The following RNASEL variants were observed in gnomAD, a reference collection of about 807,000 sequenced individuals.
RNASEL encodes the protein ribonuclease L.
In RNASEL, 36 loss-of-function variants were observed where a neutral mutation model predicts 50.9. The ratio of observed to expected loss-of-function variants is 0.71; its 90% CI spans 0.54 to 0.93. RNASEL has a LOEUF of 0.93. Among genes scored for constraint, RNASEL ranks in the 40% least tolerant of loss-of-function variants. The pLI, the probability that RNASEL is intolerant of heterozygous loss-of-function variation, is 0.00. For missense variants in RNASEL, 860 were observed against 894.5 expected (o/e 0.96, Z 0.49); for synonymous variants, 335 against 335.6 (o/e 1.00, Z 0.02).
intron 5 of RNASEL, chr1:182,579,554 G>A (rs766957790): frequency 2.6e-6 from 3 of 1,143,606 alleles, no homozygotes; most frequent in Non-Finnish European, 3.3e-6. Context: ...AACCAATACA[G>A]TCATACAAGC....
At chr1:182,579,580 C>T in intron 5 of RNASEL, 1 of 1,149,882 alleles carries the variant, frequency 8.7e-7, no homozygotes, top group Non-Finnish European at 1.1e-6. Flanking sequence ...AACTTGGGCT[C>T]CAGACCTATG....
rs375872977 is a variant in RNASEL at position 182,581,340 on chromosome 1, C to T, written c.1790G>A (p.Arg597Gln). Residue 597 changes from arginine (R) to glutamine (Q), a missense_variant, in exon 5 of 7, where the codon CGG becomes CAG. Transcript: ENST00000367559. Reference protein sequence around the residue: ...WTWESRYRTLRNVGNESDIKT... With the variant: ...WTWESRYRTLQNVGNESDIKT... Reference sequence around the variant, plus strand: ...GATGTCGGATTCATTTCCCACATTCCGAAGCGTCCTATAGCGGCTGAAGAT... The same window carrying T: ...GATGTCGGATTCATTTCCCACATTCTGAAGCGTCCTATAGCGGCTGAAGAT... 1.4e-4 allele frequency: 231 copies of T among 1,613,824 alleles called. No homozygotes were observed. The highest frequency in any genetic ancestry group is 1.9e-4 in the Non-Finnish European group (219 of 1,180,006).
rs1661613381 is a variant in RNASEL at position 182,586,960 on chromosome 1, T to C, written c.-154A>G. 1 of 969,752 alleles carries C rather than the reference T, an allele frequency of 1.0e-6. No homozygotes were observed. Among genetic ancestry groups the C allele is most frequent in the African/African-American group, 1.6e-5 (1 of 62,122 alleles). The allele number at this position is 969,752 out of a possible 1,614,324, so 60.1% of individuals were successfully genotyped here. On this transcript the variant is annotated 5_prime_UTR_variant, in exon 2 of 7. Transcript: ENST00000367559. ...AGAAGGAACAATGTTCTCAGTCTTC[T>C]GACATTCCACCTGGCAACGAAGAGA...
intron 2 of RNASEL, among the ~76,000 whole-genome samples, chr1:182,584,461 G>A (rs923359046): frequency 5.3e-5 from 8 of 152,090 alleles, no homozygotes; most frequent in African/African-American, 1.9e-4. Context: ...AATTCCAGGG[G>A]CCGAAAGCAC....
rs1425060505 is a variant in RNASEL at position 182,586,705 on chromosome 1, T to C, written c.102A>G (p.Gln34=). 6.2e-7 allele frequency: 1 copy of C among 1,614,158 alleles called. No homozygotes were observed. Among genetic ancestry groups the C allele is most frequent in the Non-Finnish European group, 8.5e-7 (1 of 1,180,056 alleles). Residue 34 remains glutamine, a synonymous_variant, in exon 2 of 7, where the codon CAA becomes CAG. Transcript: ENST00000367559. ...EDNHLLIKAV[Q]NEDVDLVQQL... Reference sequence around the variant, plus strand: ...GCTGGACCAGGTCAACATCTTCGTTTTGAACAGCTTTAATCAGCAAGTGAT... The same window carrying C: ...GCTGGACCAGGTCAACATCTTCGTTCTGAACAGCTTTAATCAGCAAGTGAT...
rs370214447 is a variant in RNASEL, at chr1:182,582,248, C to T, written c.1577G>A (p.Arg526Gln). ...CTTCTTTACCACATAGAGGACCAGC[C>T]GTCCAAGGTCCTGCACAAAAGCCAT... ...EVKRDLEDLG[R>Q]LVLYVVKKGS... is the part of the protein sequence containing the mutation. Residue 526 changes from arginine (R) to glutamine (Q), a missense_variant, in exon 4 of 7, where the codon CGG (arginine) becomes CAG (glutamine). Transcript: ENST00000367559. The T allele has an allele frequency of 6.2e-6, 10 of 1,614,148 alleles. No homozygotes were observed. The highest frequency in any genetic ancestry group is 2.7e-5 in the African/African-American group (2 of 75,056).
intron 6 of RNASEL, 83 bp downstream of exon 6, chr1:182,576,173 C>A: frequency 7.0e-7 from 1 of 1,434,356 alleles, no homozygotes; most frequent in Non-Finnish European, 9.6e-7. Context: ...TTCTTTTTTC[C>A]ATCGTAGATA....
chr1:182,575,017 TGA>T lies in RNASEL; in HGVS notation c.*373_*374del, dbSNP rs1247962753. 1.7e-5 allele frequency: 6 copies of T among 352,928 alleles called. No homozygotes were observed. The highest frequency in any genetic ancestry group is 3.2e-5 in the Non-Finnish European group (6 of 190,434). The allele number at this position is 352,928 out of a possible 1,614,324, so 21.9% of individuals were successfully genotyped here. ...TCTTGGGCCAGTAGCTCACACTCTC[TGA>T]GTCTCAGGTTCCTCAGTTCTTAAAT... On this transcript the variant is annotated 3_prime_UTR_variant, in exon 7 of 7. Coordinates refer to ENST00000367559, the MANE Select transcript of RNASEL (RefSeq NM_021133.4).
intron 5 of RNASEL, chr1:182,578,140 A>G (rs1251714214): frequency 6.6e-6 from 1 of 152,216 alleles, no homozygotes; most frequent in East Asian, 1.9e-4. Flanking sequence ...GATGGGGTTT[A>G]ATTAAACTAA....
chr1:182,586,711 A>G lies in RNASEL; in HGVS notation c.96T>C (p.Ala32=), dbSNP rs2102372659. 6 of 1,614,246 alleles carry G rather than the reference A, an allele frequency of 3.7e-6. No individual in the cohort carries two copies. The highest frequency in any genetic ancestry group is 3.3e-4 in the Middle Eastern group (2 of 6,062). ...CCAGGTCAACATCTTCGTTTTGAAC[A>G]GCTTTAATCAGCAAGTGATTGTCTT... ...AVEDNHLLIK[A]VQNEDVDLVQ... The change falls in exon 2 of 7, where the codon GCT becomes GCC. Residue 32 remains alanine (A), a synonymous_variant. Transcript: ENST00000367559.
chr1:182,575,508 A>G lies in RNASEL; in HGVS notation c.2110T>C (p.Tyr704His). Reference sequence around the variant, plus strand: ...TATTCTGTGTTCTGTAGTTTTGTGTAGACATAGATCACCAGATCTGGAAAT... The same window carrying G: ...TATTCTGTGTTCTGTAGTTTTGTGTGGACATAGATCACCAGATCTGGAAAT... ...KTFPDLVIYV[Y>H]TKLQNTEYRK... Residue 704 changes from tyrosine (Y) to histidine (H), a missense_variant, in exon 7 of 7, where the codon TAC becomes CAC. Transcript: ENST00000367559. The G allele has an allele frequency of 6.2e-6, 10 of 1,614,188 alleles. No homozygotes were observed. Among genetic ancestry groups the G allele is most frequent in the Non-Finnish European group, 7.6e-6 (9 of 1,180,022 alleles).
rs1453189447 is a variant in RNASEL, at chr1:182,574,361, T to C, written c.*1031A>G. 4.4e-6 allele frequency: 1 copy of C among 226,856 alleles called. No homozygotes were observed. The highest frequency in any genetic ancestry group is 2.2e-5 in the African/African-American group (1 of 44,904). 14.1% of individuals were successfully genotyped at this position (226,856 alleles called of 1,614,324 possible). On this transcript the variant is annotated 3_prime_UTR_variant, in exon 7 of 7. Transcript: ENST00000367559. ...CCAGAAGGAGCTCCTAGACTGGGTA[T>C]GGGAAGTGAGGGAGGCCTGGGAGCC...
chr1:182,581,452 G>C, intron 4 of RNASEL, 95 bp from the exon 5 acceptor site: 1 of 881,958 alleles, frequency 1.1e-6, no homozygotes, highest in South Asian at 1.7e-5. Context: ...GGTGTTTTTT[G>C]TGCTTTCTTG....
Position 182,579,874 on chromosome 1 carries a change from T to C in RNASEL, c.1905+1351A>G, listed in dbSNP as rs534270071. 17 of 530,478 alleles carry C rather than the reference T, an allele frequency of 3.2e-5. 1 individual carries two copies. The highest frequency in any genetic ancestry group is 2.6e-4 in the South Asian group (17 of 65,862). 32.9% of individuals were successfully genotyped at this position (530,478 alleles called of 1,614,324 possible). A position where few individuals can be genotyped will look rare whatever the true frequency, so the allele number is the denominator to read the frequency against. On this transcript the variant is annotated intron_variant, in intron 5 of 6. Coordinates refer to ENST00000367559, the MANE Select transcript of RNASEL (RefSeq NM_021133.4). The stretch of plus-strand genomic sequence containing the variant: ...AAATGAGTTGGTAGACTTGATGCCA[T>C]CACAGCTTCATGTAGTGGTGTGGCT...
chr1:182,579,587 T>TA, intron 5 of RNASEL: 1 of 1,158,050 alleles, frequency 8.6e-7, no homozygotes, highest in Non-Finnish European at 1.1e-6. Context: ...GCTCCAGACC[T>TA]ATGCTGACAA....
rs1175445802 is a variant in RNASEL at position 182,586,487 on chromosome 1, A to G, written c.320T>C (p.Leu107Pro). The change falls in exon 2 of 7, where the codon CTG becomes CCG. Residue 107 changes from leucine to proline, a missense_variant. Physicochemically the swap from Leu to Pro is moderately conservative, Grantham distance 98 (BLOSUM62 -3). Transcript: ENST00000367559. ...ILAAIAGSVK[L>P]LKLFLSKGAD... ...TCCTTTAGAAAGGAAAAGTTTCAGC[A>G]GCTTCACGCTCCCCGCAATCGCTGC... is the stretch of plus-strand genomic sequence containing the variant. The G allele has an allele frequency of 3.1e-6, 5 of 1,612,690 alleles. No individual in the cohort carries two copies. Among genetic ancestry groups the G allele is most frequent in the East Asian group, 4.5e-5 (2 of 44,874 alleles).
Position 182,586,034 on chromosome 1 carries a change from A to T in RNASEL, c.773T>A (p.Leu258His), listed in dbSNP as rs143565946. Residue 258 changes from leucine (L) to histidine (H), a missense_variant, in exon 2 of 7, where the codon CTT (leucine) becomes CAT (histidine). Coordinates refer to ENST00000367559, the MANE Select transcript of RNASEL (RefSeq NM_021133.4). ...AATCTCTATGTGCTCTTGCTCCAGA[A>T]GCCTCTGCACCAAACCCAAGTGCTT... Reference protein sequence around the residue: ...EKKHLGLVQRLLEQEHIEIND... With the variant: ...EKKHLGLVQRHLEQEHIEIND... 125 of 1,614,060 alleles carry T rather than the reference A, an allele frequency of 7.7e-5. No individual in the cohort carries two copies. In the African/African-American group the frequency reaches 1.1e-3, roughly 15 times the overall value.
At position 182,577,479 on chromosome 1, in the gene RNASEL, G is replaced by A. The variant is rs151067267; in HGVS notation, c.1906-1090C>T. Among the ~76,000 whole-genome samples the A allele has an allele frequency of 2.6e-3, 388 of 152,114 alleles. 1 individual carries two copies. The highest frequency in any genetic ancestry group is 8.8e-3 in the African/African-American group (367 of 41,502). On this transcript the variant is annotated intron_variant, in intron 5 of 6. Transcript: ENST00000367559. ...CCTGGCAACCATGGCCAAAGTGAAC[G>A]GTTTTGTTTGTTTGTTTTTGTTTTT...
chr1:182,584,105 T>C lies in RNASEL; in HGVS notation c.1542A>G (p.Pro514=), dbSNP rs147210976. 5 of 1,613,880 alleles carry C rather than the reference T, an allele frequency of 3.1e-6. No individual in the cohort carries two copies. In the African/African-American group the frequency reaches 6.7e-5, roughly 22 times the overall value. Residue 514 remains proline, a synonymous_variant, in exon 3 of 7, where the codon CCA becomes CCG. Transcript: ENST00000367559. Reference sequence around the variant, plus strand: ...CCTCTAGATCTCTCTTGACTTCCTGTGGATCTCCAGCCCACTTGATGCTCT... The same window carrying C: ...CCTCTAGATCTCTCTTGACTTCCTGCGGATCTCCAGCCCACTTGATGCTCT... ...FDKSIKWAGD[P]QEVKRDLEDL...
Sources: gnomAD v4.1 joint callset for allele counts (sites outside exome capture counted in the v4.1 genomes callset) on GRCh38, gnomAD v4.1.1 for gene constraint, MANE v1.5 for transcripts, NCBI Gene and HGNC (gene_info 2026-07-23, HGNC 2026-07-21) for gene names.